Variants in MYO16 observed in about 807,000 individuals in gnomAD.
MYO16 encodes myosin XVI.
In MYO16, 94 loss-of-function variants were observed where a neutral mutation model predicts 205.3. The observed-to-expected ratio is 0.46, with a 90% CI of 0.39 to 0.54. The LOEUF (loss-of-function observed/expected upper bound fraction) is 0.54. MYO16 is among the 20% of genes least tolerant of loss of function. MYO16 has a pLI of 0.00. For missense variants in MYO16, 2,315 were observed against 2,387.5 expected, an observed-to-expected ratio of 0.97 and a Z score of 0.63; for synonymous variants, 988 against 954.0, an observed-to-expected ratio of 1.04 and a Z score of -0.66.
chr13:108,740,294 G>T (rs574894751), intron 4 of MYO16, among the ~76,000 whole-genome samples: 1 of 152,120 alleles, frequency 6.6e-6, no homozygotes, highest in African/African-American at 2.4e-5. Context: ...TGATGATGGT[G>T]ACGTACAGAT....
intron 20 of MYO16, among the ~76,000 whole-genome samples, chr13:108,968,842 C>T (rs962721816): frequency 6.6e-6 from 1 of 152,182 alleles, no homozygotes; most frequent in Non-Finnish European, 1.5e-5. Flanking sequence ...CCATGACGTG[C>T]TCCCCACGAA....
chr13:109,020,296 T>C (rs1379910277), intron 23 of MYO16, among the ~76,000 whole-genome samples: 4 of 152,188 alleles, frequency 2.6e-5, no homozygotes, highest in Non-Finnish European at 5.9e-5. Context: ...TATTAAAGCA[T>C]GTCAACTTAA....
At chr13:108,978,432 A>G (rs1594442338) in intron 20 of MYO16, among the ~76,000 whole-genome samples, 1 of 152,150 alleles carries the variant, frequency 6.6e-6, no homozygotes, top group Non-Finnish European at 1.5e-5. Flanking sequence ...GTTTTCAATC[A>G]TGGATGGATA....
intron 4 of MYO16, among the ~76,000 whole-genome samples, chr13:108,731,794 A>T (rs773483354): frequency 9.2e-5 from 14 of 152,208 alleles, no homozygotes; most frequent in Non-Finnish European, 1.8e-4. Context: ...GGGAAATTAC[A>T]GTTTGTTTAT....
intron 20 of MYO16, among the ~76,000 whole-genome samples, chr13:108,977,030 A>C (rs754163716): frequency 1.2e-4 from 19 of 152,192 alleles, no homozygotes; most frequent in Admixed American, 6.5e-4. Context: ...TATCGAATAC[A>C]TGTAATCTTC....
At chr13:109,023,041 A>G (rs954531638) in intron 23 of MYO16, among the ~76,000 whole-genome samples, 14 of 134,170 alleles carry the variant, frequency 1.0e-4, no homozygotes, top group African/African-American at 3.8e-4. Context: ...ATATATTAAT[A>G]CACACATGTA....
Position 109,140,774 on chromosome 13 carries a change from C to G in MYO16, c.4562C>G (p.Pro1521Arg). The G allele has an allele frequency of 6.4e-7, 1 of 1,568,138 alleles. No homozygotes were observed. Among genetic ancestry groups the G allele is most frequent in the Non-Finnish European group, 8.6e-7 (1 of 1,159,984 alleles). The change falls in exon 32 of 35, where the codon CCC becomes CGC. Residue 1521 changes from proline (P) to arginine (R), a missense_variant. Pro to Arg is a moderately radical substitution (Grantham distance 103). Transcript: ENST00000457511. This position sits in a 1 kb window ranked among gnomAD's most constrained non-coding sequence, Gnocchi z 8.0. Reference sequence around the variant, plus strand: ...CCCCTGCTGGTGTTCCCCCCGACCCCCGTCACCTGCTCCCCCGCCTCCGAC... The same window carrying G: ...CCCCTGCTGGTGTTCCCCCCGACCCGCGTCACCTGCTCCCCCGCCTCCGAC... ...RPPLLVFPPT[P>R]VTCSPASDES...
chr13:108,921,000 C>T (rs1881723949), intron 16 of MYO16, among the ~76,000 whole-genome samples: 1 of 152,138 alleles, frequency 6.6e-6, no homozygotes, highest in Non-Finnish European at 1.5e-5. Context: ...TTGAGAGGGA[C>T]ACCTGCACAG....
intron 1 of MYO16, among the ~76,000 whole-genome samples, chr13:108,662,822 G>A (rs1346292278): frequency 6.6e-6 from 1 of 152,166 alleles, no homozygotes; most frequent in Non-Finnish European, 1.5e-5. Flanking sequence ...ATGTTACAAA[G>A]TTCAGCTAGA....
chr13:108,902,692 G>A (rs1211754807), intron 15 of MYO16, among the ~76,000 whole-genome samples: 1 of 152,088 alleles, frequency 6.6e-6, no homozygotes, highest in East Asian at 1.9e-4. Context: ...TCCAGTCTCT[G>A]CCTCTATTGA....
chr13:109,174,952 G>A (rs572961290), intron 33 of MYO16, among the ~76,000 whole-genome samples: 123 of 151,282 alleles, frequency 8.1e-4, no homozygotes, highest in African/African-American at 2.4e-3. Flanking sequence ...GGGTTTCACC[G>A]TGTTAGCCAG....
chr13:108,741,889 A>G (rs1333031756), intron 4 of MYO16, among the ~76,000 whole-genome samples: 4 of 152,200 alleles, frequency 2.6e-5, no homozygotes, highest in African/African-American at 9.6e-5. Context: ...CATAATTTAC[A>G]TCATATTGTT....
At chr13:108,913,177 T>C (rs1881342348) in intron 16 of MYO16, among the ~76,000 whole-genome samples, 2 of 152,226 alleles carry the variant, frequency 1.3e-5, no homozygotes, top group South Asian at 2.1e-4. Context: ...GTTATTTTAT[T>C]GAAATGTATC....
At chr13:108,622,885 C>T (rs1000649479) in intron 1 of MYO16, among the ~76,000 whole-genome samples, 4 of 151,948 alleles carry the variant, frequency 2.6e-5, no homozygotes, top group Non-Finnish European at 5.9e-5. Context: ...TATCATCCTG[C>T]AAGGGCAGTG....
At chr13:108,663,490 A>G (rs1205211875) in intron 1 of MYO16, among the ~76,000 whole-genome samples, 1 of 152,190 alleles carries the variant, frequency 6.6e-6, no homozygotes, top group Non-Finnish European at 1.5e-5. Flanking sequence ...AAACATGGGG[A>G]ATTATTTAGC....
intron 6 of MYO16, among the ~76,000 whole-genome samples, chr13:108,803,167 G>A (rs1887015698): frequency 6.6e-6 from 1 of 152,100 alleles, no homozygotes. Flanking sequence ...GCCCAAGAGT[G>A]TTTTGCTGTT....
chr13:109,023,241 A>C (rs9587748), intron 23 of MYO16, among the ~76,000 whole-genome samples: 1 of 101,404 alleles, frequency 9.9e-6, no homozygotes, highest in Non-Finnish European at 1.8e-5. Flanking sequence ...TACAGATATA[A>C]ATATATATAT....
chr13:108,828,195 A>G (rs1876389836), intron 9 of MYO16, among the ~76,000 whole-genome samples: 1 of 152,214 alleles, frequency 6.6e-6, no homozygotes, highest in Non-Finnish European at 1.5e-5. Context: ...GACTCATGCC[A>G]GGCGTGTGCT....
At chr13:108,563,361 A>T in the MYO16 span, among the ~76,000 whole-genome samples, 4 of 152,094 alleles carry the variant, frequency 2.6e-5, no homozygotes, top group African/African-American at 9.7e-5. Flanking sequence ...GTTATTTTAA[A>T]ATGTATGATG....
Sources: gnomAD v4.1 joint callset for allele counts (sites outside exome capture counted in the v4.1 genomes callset) on GRCh38, gnomAD v4.1.1 for gene constraint, Gnocchi (gnomAD v3.1) non-coding constraint, MANE v1.5 for transcripts, NCBI Gene and HGNC (gene_info 2026-07-23, HGNC 2026-07-21) for gene names.